NACC2: variants seen among roughly 807,000 people sequenced by gnomAD.
The protein encoded by NACC2 is nucleus accumbens-associated protein 2.
NACC2 carries 8 observed loss-of-function variants against 25.1 expected under a neutral mutation model. The ratio of observed to expected loss-of-function variants is 0.32; its 90% CI spans 0.19 to 0.57. NACC2 has a LOEUF of 0.57. NACC2 is among the 20% of genes least tolerant of loss of function. The pLI, the probability that NACC2 is intolerant of heterozygous loss-of-function variation, is 0.89. For missense variants in NACC2, 644 were observed against 650.2 expected, an observed-to-expected ratio of 0.99 and a Z score of 0.10; for synonymous variants, 435 against 294.7, an observed-to-expected ratio of 1.48 and a Z score of -4.88.
At chr9:136,092,382 G>C (rs1448947544) in intron 1 of NACC2, among the ~76,000 whole-genome samples, 5 of 152,206 alleles carry the variant, frequency 3.3e-5, no homozygotes, top group Non-Finnish European at 7.3e-5. Flanking sequence ...ACCAGACCCA[G>C]TCAGACCTCA....
At chr9:136,048,834 G>GGA (rs1343443759) in intron 2 of NACC2, among the ~76,000 whole-genome samples, 9 of 152,210 alleles carry the variant, frequency 5.9e-5, no homozygotes, top group Non-Finnish European at 1.2e-4. Flanking sequence ...GGATATGCGT[G>GGA]GTGGGGTGGA....
intron 2 of NACC2, among the ~76,000 whole-genome samples, chr9:136,023,794 T>G (rs944295278): frequency 6.6e-6 from 1 of 152,192 alleles, no homozygotes; most frequent in African/African-American, 2.4e-5. Context: ...TCACAGCACA[T>G]GGCACGGGTC....
At chr9:136,067,592 A>C (rs772328865) in intron 1 of NACC2, among the ~76,000 whole-genome samples, 8 of 149,788 alleles carry the variant, frequency 5.3e-5, no homozygotes, top group Non-Finnish European at 7.5e-5. Context: ...AATCCCAGCA[A>C]TTTGGGAAGC....
chr9:136,051,829 G>C (rs1564231859), intron 1 of NACC2, among the ~76,000 whole-genome samples: 2 of 152,100 alleles, frequency 1.3e-5, no homozygotes, highest in Non-Finnish European at 2.9e-5. Context: ...CGCGAATGCA[G>C]CAAACGGAGC....
chr9:136,081,198 G>A (rs898581123), intron 1 of NACC2, among the ~76,000 whole-genome samples: 1 of 152,206 alleles, frequency 6.6e-6, no homozygotes, highest in South Asian at 2.1e-4. Flanking sequence ...CACCCAGGCC[G>A]CTGGAAACCC....
chr9:136,087,610 T>C (rs1032695629), intron 1 of NACC2, among the ~76,000 whole-genome samples: 5 of 152,208 alleles, frequency 3.3e-5, no homozygotes, highest in Admixed American at 2.6e-4. Flanking sequence ...CCCTAGACCT[T>C]CCTGGTGACC....
intron 1 of NACC2, among the ~76,000 whole-genome samples, chr9:136,079,048 A>G (rs1041410850): frequency 6.6e-5 from 9 of 136,660 alleles, no homozygotes; most frequent in African/African-American, 2.2e-4. Context: ...GACTTCAATC[A>G]TAGCTTCTTC....
At chr9:136,051,888 G>GAGGAGGAGA (rs1840847746) in intron 1 of NACC2, among the ~76,000 whole-genome samples, 1 of 116,744 alleles carries the variant, frequency 8.6e-6, no homozygotes, top group Non-Finnish European at 1.7e-5. Flanking sequence ...GGAGGAGGAG[G>GAGGAGGAGA]AGGAGGAGGA....
intron 1 of NACC2, among the ~76,000 whole-genome samples, chr9:136,074,888 G>C (rs1156351404): frequency 6.6e-6 from 1 of 152,236 alleles, no homozygotes; most frequent in African/African-American, 2.4e-5. Context: ...CCGAGGCGGA[G>C]TCGGCAGGGC....
At chr9:136,025,546 G>A (rs1162464697) in intron 2 of NACC2, among the ~76,000 whole-genome samples, 1 of 150,978 alleles carries the variant, frequency 6.6e-6, no homozygotes, top group Non-Finnish European at 1.5e-5. Context: ...ATGTGTACAA[G>A]AAATACAGGC....
Position 136,016,269 on chromosome 9 carries a change from C to T in NACC2, c.1047G>A (p.Val349=), listed in dbSNP as rs1840201743. The change falls in exon 3 of 6, where the codon GTG becomes GTA. Residue 349 remains valine (V), a synonymous_variant. Coordinates refer to ENST00000277554, the MANE Select transcript of NACC2 (RefSeq NM_144653.5). ...ATGGGTGGGAGGCAGCCTCACCTGCCACCAGCTCCAGCTTCTCCCCGGGGT... is the reference window on the plus strand; with the variant it reads ...ATGGGTGGGAGGCAGCCTCACCTGCTACCAGCTCCAGCTTCTCCCCGGGGT... ...EGDPGEKLEL[V]AGSGVYITRG... 6.2e-7 allele frequency: 1 copy of T among 1,612,700 alleles called. No homozygotes were observed. Among genetic ancestry groups the T allele is most frequent in the Admixed American group, 1.7e-5 (1 of 60,018 alleles).
chr9:136,051,668 G>A (rs1359499694), intron 1 of NACC2, among the ~76,000 whole-genome samples: 6 of 152,046 alleles, frequency 3.9e-5, no homozygotes, highest in African/African-American at 1.2e-4. Flanking sequence ...AGGTGGACGC[G>A]CGCCGGGGGC....
intron 2 of NACC2, among the ~76,000 whole-genome samples, chr9:136,029,713 G>C (rs1402872859): frequency 1.2e-5 from 1 of 81,534 alleles, no homozygotes; most frequent in African/African-American, 3.6e-5. Flanking sequence ...AGGTATGCCT[G>C]GTACAGCTGC....
Position 136,011,626 on chromosome 9 carries a change from C to A in NACC2, c.1654G>T (p.Gly552Cys). ...VAAPEPLPAD[G>C]QSPPQPFEQG... Reference sequence around the variant, plus strand: ...TCAAAGGGCTGTGGGGGGCTCTGGCCATCGGCGGGCAGCGGCTCGGGGGCG... The same window carrying A: ...TCAAAGGGCTGTGGGGGGCTCTGGCAATCGGCGGGCAGCGGCTCGGGGGCG... The change falls in exon 6 of 6, where the codon GGC (glycine) becomes TGC (cysteine). Residue 552 changes from glycine (G) to cysteine (C), a missense_variant. Gly to Cys is a radical substitution (Grantham distance 159, BLOSUM62 -3). Transcript: ENST00000277554. 1 of 1,405,742 alleles carries A rather than the reference C, an allele frequency of 7.1e-7. No individual in the cohort carries two copies. Among genetic ancestry groups the A allele is most frequent in the Non-Finnish European group, 9.2e-7 (1 of 1,085,704 alleles). 87.1% of individuals were successfully genotyped at this position (1,405,742 alleles called of 1,614,324 possible).
chr9:136,067,954 G>A (rs1379649252), intron 1 of NACC2, among the ~76,000 whole-genome samples: 1 of 152,212 alleles, frequency 6.6e-6, no homozygotes, highest in Non-Finnish European at 1.5e-5. Context: ...GAATAGCATA[G>A]GCAACTGTAA....
intron 2 of NACC2, among the ~76,000 whole-genome samples, chr9:136,036,370 G>A (rs1006462539): frequency 5.3e-5 from 8 of 151,916 alleles, no homozygotes; most frequent in African/African-American, 1.7e-4. Context: ...ACAAACAAGT[G>A]AAAAACCACA....
intron 2 of NACC2, among the ~76,000 whole-genome samples, chr9:136,042,673 C>T (rs1425663001): frequency 6.6e-6 from 1 of 151,532 alleles, no homozygotes; most frequent in Admixed American, 6.6e-5. Context: ...CACACACAGA[C>T]ACACAGACAT....
intron 1 of NACC2, among the ~76,000 whole-genome samples, chr9:136,051,876 A>AGGAGGAGGAGG: frequency 7.6e-6 from 1 of 132,380 alleles, no homozygotes; most frequent in East Asian, 2.5e-4. Context: ...GGGAGCCGGC[A>AGGAGGAGGAGG]AGGAGGAGGA....
chr9:136,050,869 G>T (rs1031452273), intron 1 of NACC2, among the ~76,000 whole-genome samples: 3 of 152,252 alleles, frequency 2.0e-5, no homozygotes, highest in East Asian at 3.9e-4. Context: ...TTAGCGACTC[G>T]GTCTCAGCAG....
Sources: allele counts gnomAD v4.1 joint callset (sites outside exome capture counted in the v4.1 genomes callset), GRCh38; gene constraint gnomAD v4.1.1; transcripts MANE v1.5; gene names NCBI Gene and HGNC (gene_info 2026-07-23, HGNC 2026-07-21).